ANXA4: variants seen among roughly 807,000 people sequenced by gnomAD.
ANXA4 encodes the protein annexin A4, also known as 35-beta calcimedin.
In ANXA4, 39 loss-of-function variants were observed where a neutral mutation model predicts 49.8. That is an observed-to-expected ratio of 0.78 (90% CI 0.61 to 1.02). The LOEUF is 1.02. ANXA4 is among the 50% of genes least tolerant of loss of function. The pLI, the probability that ANXA4 is intolerant of heterozygous loss-of-function variation, is 0.00. For missense variants in ANXA4, 360 were observed against 410.1 expected, an observed-to-expected ratio of 0.88 and a Z score of 1.05; for synonymous variants, 134 against 152.5, an observed-to-expected ratio of 0.88 and a Z score of 0.89.
chr2:69,786,300 C>T (rs1672412306), intron 2 of ANXA4, among the ~76,000 whole-genome samples: 1 of 152,218 alleles, frequency 6.6e-6, no homozygotes, highest in Non-Finnish European at 1.5e-5. Context: ...TGCTCCAAAA[C>T]ATGTGCTGAG....
chr2:69,806,329 A>T, intron 4 of ANXA4, 56 bp from the exon 5 acceptor site: 1 of 1,287,634 alleles, frequency 7.8e-7, no homozygotes, highest in Non-Finnish European at 1.1e-6. Flanking sequence ...ACACCTGGAG[A>T]GTAGCTGGTC....
At chr2:69,645,763 C>T (rs894944711) in intron 1 of ANXA4, among the ~76,000 whole-genome samples, 1 of 152,190 alleles carries the variant, frequency 6.6e-6, no homozygotes, top group Non-Finnish European at 1.5e-5. Context: ...ATTCCTTGCC[C>T]TCCATTCCCT....
intron 2 of ANXA4, among the ~76,000 whole-genome samples, chr2:69,691,472 G>T (rs2105372992): frequency 6.6e-6 from 1 of 152,142 alleles, no homozygotes; most frequent in East Asian, 1.9e-4. Context: ...AAAGATGGGA[G>T]TTTACTTTGG....
chr2:69,802,867 AATTG>A (rs1320696229), intron 3 of ANXA4, among the ~76,000 whole-genome samples: 1 of 151,926 alleles, frequency 6.6e-6, no homozygotes, highest in Admixed American at 6.6e-5. Flanking sequence ...CCAAGGGAGA[AATTG>A]ATTGTTATAT....
chr2:69,778,285 G>A (rs1672042514), intron 1 of ANXA4, among the ~76,000 whole-genome samples: 1 of 152,176 alleles, frequency 6.6e-6, no homozygotes, highest in Non-Finnish European at 1.5e-5. Flanking sequence ...AGGTTGAATA[G>A]AAGTTATAAG....
intron 2 of ANXA4, among the ~76,000 whole-genome samples, chr2:69,665,172 T>G (rs1443604309): frequency 6.6e-6 from 1 of 152,148 alleles, no homozygotes; most frequent in Non-Finnish European, 1.5e-5. Flanking sequence ...GTAGTACAGC[T>G]TCCATCTAGC....
chr2:69,678,570 T>C (rs1047320837), intron 2 of ANXA4, among the ~76,000 whole-genome samples: 1 of 151,864 alleles, frequency 6.6e-6, no homozygotes, highest in Non-Finnish European at 1.5e-5. Context: ...ATTTTTTGTG[T>C]GTTTTTTGTA....
chr2:69,670,558 G>C (rs1437866883), intron 2 of ANXA4, among the ~76,000 whole-genome samples: 1 of 151,714 alleles, frequency 6.6e-6, no homozygotes, highest in Non-Finnish European at 1.5e-5. Context: ...CTAAGACAAT[G>C]TGGCATGGGC....
intron 5 of ANXA4, among the ~76,000 whole-genome samples, chr2:69,807,407 A>C (rs1282506611): frequency 6.6e-6 from 1 of 152,154 alleles, no homozygotes; most frequent in African/African-American, 2.4e-5. Flanking sequence ...CAAGTATGTA[A>C]TGCAAATATA....
chr2:69,815,733 T>A (rs980696756), intron 8 of ANXA4: 14 of 205,156 alleles, frequency 6.8e-5, no homozygotes, highest in Non-Finnish European at 1.2e-4. Context: ...CCAATGTGAT[T>A]GAAGAGCTGA....
chr2:69,758,277 C>T (rs1473412965), intron 1 of ANXA4, among the ~76,000 whole-genome samples: 5 of 152,148 alleles, frequency 3.3e-5, no homozygotes, highest in South Asian at 2.1e-4. Context: ...CTTCCCAAAG[C>T]GCTGCGACTA....
chr2:69,807,679 T>A (rs1225666152), intron 5 of ANXA4, among the ~76,000 whole-genome samples: 5 of 152,170 alleles, frequency 3.3e-5, no homozygotes, highest in Non-Finnish European at 7.4e-5. Context: ...CCGGGCACAG[T>A]AACGAACACA....
At chr2:69,656,555 T>C (rs1676504134) in intron 2 of ANXA4, among the ~76,000 whole-genome samples, 1 of 142,168 alleles carries the variant, frequency 7.0e-6, no homozygotes, top group Non-Finnish European at 1.5e-5. Context: ...TAGTTCCTTT[T>C]TTTTTTTTTT....
At chr2:69,647,420 A>ATTTATTTATTTT (rs1428835527) in intron 1 of ANXA4, among the ~76,000 whole-genome samples, 3 of 138,884 alleles carry the variant, frequency 2.2e-5, no homozygotes, top group African/African-American at 8.6e-5. Context: ...TTATTTATTT[A>ATTTATTTATTTT]TTTTTTGAGA....
At chr2:69,741,408 A>T (rs115936708), upstream of ANXA4, among the ~76,000 whole-genome samples, 642 of 152,312 alleles carry the variant, frequency 4.2e-3, 5 homozygotes, top group Non-Finnish European at 7.0e-3. Context: ...CGCCGCGCCA[A>T]GCCGAACCTG....
rs1187969538 is a variant in ANXA4, at chr2:69,806,465, G to A, written c.273G>A (p.Leu91=). 1.2e-6 allele frequency: 2 copies of A among 1,614,134 alleles called. No individual in the cohort carries two copies. The highest frequency in any genetic ancestry group is 1.1e-5 in the South Asian group (1 of 91,076). ...TGGGGATGATGACGCCCACGGTGCT[G>A]TATGACGTGCAAGAGCTGCGAAGGG... ...VIVGMMTPTV[L]YDVQELRRAM... The change falls in exon 5 of 13, where the codon CTG becomes CTA. Residue 91 remains leucine (L), a synonymous_variant. Coordinates refer to ENST00000394295, the MANE Select transcript of ANXA4 (RefSeq NM_001153.5).
At chr2:69,649,763 C>T (rs1039915788) in intron 1 of ANXA4, among the ~76,000 whole-genome samples, 44 of 151,092 alleles carry the variant, frequency 2.9e-4, no homozygotes, top group African/African-American at 1.1e-3. Context: ...AGGCTCACAC[C>T]ACCACGTCTG....
chr2:69,715,913 G>C lies in ANXA4; in HGVS notation n.767-4861G>C, dbSNP rs141038115. ...TTCTTTCTTCCTAGGTCAAGAAAGA[G>C]AGTCCAAGGCATGGTCAATCACAAC... is the stretch of plus-strand genomic sequence containing the variant. On this transcript the variant is annotated intron_variant and non_coding_transcript_variant, in intron 2 of 3. Transcript: ENST00000418066. Among the ~76,000 whole-genome samples the C allele has an allele frequency of 6.2e-3, 946 of 152,316 alleles. 22 individuals are homozygous for C. Among genetic ancestry groups the C allele is most frequent in the Admixed American group, 9.7e-3 (149 of 15,308 alleles).
intron 6 of ANXA4, 40 bp downstream of exon 6, chr2:69,808,036 G>A: frequency 6.3e-7 from 1 of 1,583,706 alleles, no homozygotes; most frequent in Non-Finnish European, 8.7e-7. Context: ...AGGTTTCGCT[G>A]TGATTAGAGA....
Sources: gnomAD v4.1 joint callset for allele counts (sites outside exome capture counted in the v4.1 genomes callset) on GRCh38, gnomAD v4.1.1 for gene constraint, MANE v1.5 for transcripts, NCBI Gene and HGNC (gene_info 2026-07-23, HGNC 2026-07-21) for gene names.